Variants in IGLON5 observed in about 807,000 individuals in gnomAD.
IGLON5 encodes Ig-like domain-containing protein ENSP00000270642.
A neutral mutation model predicts 38.2 loss-of-function variants in IGLON5; 16 were observed. The ratio of observed to expected loss-of-function variants is 0.42; its 90% CI spans 0.28 to 0.64. The LOEUF is 0.64. Ranked by LOEUF, IGLON5 falls within the 30% of genes least tolerant of loss-of-function variation. The pLI is 0.23. For missense variants in IGLON5, 366 were observed against 483.4 expected, an observed-to-expected ratio of 0.76 and a Z score of 2.28; for synonymous variants, 207 against 216.4, an observed-to-expected ratio of 0.96 and a Z score of 0.38.
rs774066565 is a variant in IGLON5, at chr19:51,325,391, A to AG, written c.443dup (p.Asn149GlnfsTer36). On this transcript the variant is annotated frameshift_variant, in exon 4 of 8. Coordinates refer to ENST00000270642, the MANE Select transcript of IGLON5 (RefSeq NM_001101372.3). LOFTEE classifies it high-confidence loss of function. The surrounding 1 kb of genome is among the most constrained non-coding windows in gnomAD (Gnocchi z 5.5). ...ATCTCGTCGCCTGTGACGGTGAATG[A>AG]GGGGGGCAATGTGAACCTGCTTTGC... 1 of 1,613,760 alleles carries AG rather than the reference A, an allele frequency of 6.2e-7. No homozygotes were observed. The highest frequency in any genetic ancestry group is 2.2e-5 in the East Asian group (1 of 44,866).
Position 51,321,086 on chromosome 19 carries a change from G to T in IGLON5, c.80-978G>T, listed in dbSNP as rs150828944. On this transcript the variant is annotated intron_variant, in intron 1 of 7. Coordinates refer to ENST00000270642, the MANE Select transcript of IGLON5 (RefSeq NM_001101372.3). Reference sequence around the variant, plus strand: ...AAGTGTTCTGTGTATGCAAGTATCTGTGTGTTGATGTACCTGTGTATATGT... The same window carrying T: ...AAGTGTTCTGTGTATGCAAGTATCTTTGTGTTGATGTACCTGTGTATATGT... Among the ~76,000 whole-genome samples, 115 of 152,288 alleles carry T rather than the reference G, an allele frequency of 7.6e-4. 1 individual carries two copies. In the East Asian group the frequency reaches 0.022, roughly 29 times the overall value.
rs1985164905 is a variant in IGLON5 at position 51,324,510 on chromosome 19, A to G, written c.391+616A>G. Among the ~76,000 whole-genome samples the G allele has an allele frequency of 1.3e-5, 2 of 152,020 alleles. No individual in the cohort carries two copies. Among genetic ancestry groups the G allele is most frequent in the African/African-American group, 4.8e-5 (2 of 41,394 alleles). ...GGAGAGACAGGACCTGGAGACAGAG[A>G]GAATCCAGGGGGATCCTGGCAAGCT... On this transcript the variant is annotated intron_variant, in intron 3 of 7. Transcript: ENST00000270642. The surrounding 1 kb of genome is among the most constrained non-coding windows in gnomAD (Gnocchi z 4.2).
chr19:51,327,680 G>C lies in IGLON5; in HGVS notation c.768-52G>C, dbSNP rs1448985449. The C allele has an allele frequency of 6.5e-7, 1 of 1,538,348 alleles. No individual in the cohort carries two copies. The highest frequency in any genetic ancestry group is 8.7e-7 in the Non-Finnish European group (1 of 1,147,984). Reference sequence around the variant, plus strand: ...GAACGGAGGAGCCTGAGAGTCGGGGGGCTGGCCTGGCTGGGCGCTGCGGCC... The same window carrying C: ...GAACGGAGGAGCCTGAGAGTCGGGGCGCTGGCCTGGCTGGGCGCTGCGGCC... On this transcript the variant is annotated intron_variant, in intron 6 of 7. Coordinates refer to ENST00000270642, the MANE Select transcript of IGLON5 (RefSeq NM_001101372.3). The surrounding 1 kb of genome is among the most constrained non-coding windows in gnomAD (Gnocchi z 7.1).
chr19:51,319,126 G>A (rs1050238791), intron 1 of IGLON5, among the ~76,000 whole-genome samples: 1 of 152,202 alleles, frequency 6.6e-6, no homozygotes, highest in Non-Finnish European at 1.5e-5. Context: ...TGTGTCAGCA[G>A]GAGCATAGCA....
At position 51,327,711 on chromosome 19, in the gene IGLON5, C is replaced by T; in HGVS notation, c.768-21C>T. Reference sequence around the variant, plus strand: ...CCTGGCTGGGCGCTGCGGCCCGGCCCCTGACCCGGATCCCTGGCAGGCTGA... The same window carrying T: ...CCTGGCTGGGCGCTGCGGCCCGGCCTCTGACCCGGATCCCTGGCAGGCTGA... On this transcript the variant is annotated intron_variant, in intron 6 of 7. Transcript: ENST00000270642. The surrounding 1 kb of genome is among the most constrained non-coding windows in gnomAD (Gnocchi z 7.1). 1 of 1,556,330 alleles carries T rather than the reference C, an allele frequency of 6.4e-7. No homozygotes were observed. The highest frequency in any genetic ancestry group is 8.6e-7 in the Non-Finnish European group (1 of 1,156,110).
chr19:51,315,783 C>T (rs1476750679), intron 1 of IGLON5, among the ~76,000 whole-genome samples: 2 of 149,682 alleles, frequency 1.3e-5, no homozygotes, highest in Non-Finnish European at 3.0e-5. Context: ...GCAAGCTCCG[C>T]CTCCTGGGTT....
chr19:51,327,859 G>A lies in IGLON5; in HGVS notation c.895G>A (p.Ala299Thr). Residue 299 changes from alanine to threonine, a missense_variant, in exon 7 of 8, where the codon GCG becomes ACG. By Grantham distance (58) the Ala-to-Thr change is moderately conservative. Coordinates refer to ENST00000270642, the MANE Select transcript of IGLON5 (RefSeq NM_001101372.3). This position sits in a 1 kb window ranked among gnomAD's most constrained non-coding sequence, Gnocchi z 7.1. ...GTGTCGCGCCGCCAACCGACTGGGA[G>A]CGTCCAGCGCCTCCATGCGGCTCCT... ...YTCRAANRLG[A>T]SSASMRLLRP... 1.9e-6 allele frequency: 3 copies of A among 1,539,364 alleles called. No individual in the cohort carries two copies. Among genetic ancestry groups the A allele is most frequent in the Non-Finnish European group, 2.6e-6 (3 of 1,141,432 alleles).
rs771982848 is a variant in IGLON5, at chr19:51,327,865, A to G, written c.901A>G (p.Ser301Gly). The change falls in exon 7 of 8, where the codon AGC becomes GGC. Residue 301 changes from serine to glycine, a missense_variant. Coordinates refer to ENST00000270642, the MANE Select transcript of IGLON5 (RefSeq NM_001101372.3). The surrounding 1 kb of genome is among the most constrained non-coding windows in gnomAD (Gnocchi z 7.1). ...CGCCGCCAACCGACTGGGAGCGTCC[A>G]GCGCCTCCATGCGGCTCCTGCGTGC... ...CRAANRLGAS[S>G]ASMRLLRPGS... The G allele has an allele frequency of 3.3e-6, 5 of 1,524,006 alleles. No homozygotes were observed. The highest frequency in any genetic ancestry group is 2.4e-5 in the South Asian group (2 of 82,598). The allele number at this position is 1,524,006 out of a possible 1,614,324, so 94.4% of individuals were successfully genotyped here.
chr19:51,322,101 C>G lies in IGLON5; in HGVS notation c.117C>G (p.Ala39=), dbSNP rs61732615. 8.1e-5 allele frequency: 131 copies of G among 1,613,356 alleles called. No homozygotes were observed. Among genetic ancestry groups the G allele is most frequent in the Admixed American group, 7.0e-4 (42 of 60,014 alleles). The change falls in exon 2 of 8, where the codon GCC becomes GCG. Residue 39 remains alanine (A), a synonymous_variant. Transcript: ENST00000270642. Reference sequence around the variant, plus strand: ...AGAGCCTGGAGTTCAACTCTCCTGCCGACAACTACACAGTGTGTGAAGGTG... The same window carrying G: ...AGAGCCTGGAGTTCAACTCTCCTGCGGACAACTACACAGTGTGTGAAGGTG... ...LSQSLEFNSP[A]DNYTVCEGDN...
rs1489290519 is a variant in IGLON5, at chr19:51,328,749, G to A, written c.1001G>A (p.Trp334Ter). The A allele has an allele frequency of 6.3e-7, 1 of 1,598,954 alleles. No individual in the cohort carries two copies. Among genetic ancestry groups the A allele is most frequent in the Non-Finnish European group, 8.5e-7 (1 of 1,173,292 alleles). Reference sequence around the variant, plus strand: ...CTCTCCGCCCTGGGCTGGCTGTGGTGGAGAATGTAGGCGCAACCCAGTGGA... The same window carrying A: ...CTCTCCGCCCTGGGCTGGCTGTGGTAGAGAATGTAGGCGCAACCCAGTGGA... Reference protein sequence around the residue: ...ALLSALGWLWWRM With the variant: ...ALLSALGWLW Residue 334 changes from tryptophan to a stop codon, truncating the protein, a stop_gained, in exon 8 of 8, where the codon TGG becomes TAG. Coordinates refer to ENST00000270642, the MANE Select transcript of IGLON5 (RefSeq NM_001101372.3). LOFTEE classifies it high-confidence loss of function.
At chr19:51,318,295 A>C (rs974079277) in intron 1 of IGLON5, among the ~76,000 whole-genome samples, 1 of 152,194 alleles carries the variant, frequency 6.6e-6, no homozygotes, top group African/African-American at 2.4e-5. Context: ...TGCTGGGGAC[A>C]CAGACTTGAG....
At chr19:51,322,003 G>T in intron 1 of IGLON5, 61 bp from the exon 2 acceptor site, 1 of 1,366,726 alleles carries the variant, frequency 7.3e-7, no homozygotes, top group Non-Finnish European at 1.0e-6. Context: ...ATGTGTGCAG[G>T]TGCTACCATG....
At chr19:51,326,672 G>C in intron 4 of IGLON5, 92 bp from the exon 5 acceptor site, 1 of 458,236 alleles carries the variant, frequency 2.2e-6, no homozygotes, top group South Asian at 3.1e-5. Context: ...TGCCGTGCCC[G>C]CCCCGCTGAT....
chr19:51,327,670 A>C lies in IGLON5; in HGVS notation c.768-62A>C, dbSNP rs1985250656. ...GGTCACCGGGGAACGGAGGAGCCTG[A>C]GAGTCGGGGGGCTGGCCTGGCTGGG... On this transcript the variant is annotated intron_variant, in intron 6 of 7. Coordinates refer to ENST00000270642, the MANE Select transcript of IGLON5 (RefSeq NM_001101372.3). This position sits in a 1 kb window ranked among gnomAD's most constrained non-coding sequence, Gnocchi z 7.1. 1 of 1,534,494 alleles carries C rather than the reference A, an allele frequency of 6.5e-7. No individual in the cohort carries two copies. The highest frequency in any genetic ancestry group is 2.0e-5 in the Admixed American group (1 of 50,352).
At chr19:51,326,001 A>G (rs1273188944) in intron 4 of IGLON5, among the ~76,000 whole-genome samples, 2 of 152,068 alleles carry the variant, frequency 1.3e-5, no homozygotes, top group Non-Finnish European at 2.9e-5. Flanking sequence ...ACAAGCCCCA[A>G]GAACCAGTGC....
intron 1 of IGLON5, among the ~76,000 whole-genome samples, chr19:51,320,031 G>GTT (rs747122162): frequency 1.1e-5 from 1 of 91,258 alleles, no homozygotes; most frequent in Admixed American, 1.2e-4. Flanking sequence ...GCCTGTGTGT[G>GTT]TATGTGTGTG....
rs906819603 is a variant in IGLON5 at position 51,330,858 on chromosome 19, A to G, written c.*2099A>G. Among the ~76,000 whole-genome samples, 7 of 152,200 alleles carry G rather than the reference A, an allele frequency of 4.6e-5. No individual in the cohort carries two copies. Among genetic ancestry groups the G allele is most frequent in the Admixed American group, 3.9e-4 (6 of 15,272 alleles). ...TTAACTGATGCCCATTTTCACTTAT[A>G]TAAGCAATAAAGTCCCCTGTATATT... On this transcript the variant is annotated 3_prime_UTR_variant, in exon 8 of 8. Transcript: ENST00000270642.
chr19:51,312,063 C>T, intron 1 of IGLON5, 137 bp downstream of exon 1: 1 of 409,356 alleles, frequency 2.4e-6, no homozygotes, highest in Non-Finnish European at 4.0e-6. Context: ...GGGTCTGGGC[C>T]CGGGGGTGGG....
chr19:51,322,280 G>A (rs551212068), intron 2 of IGLON5, 138 bp downstream of exon 2: 7 of 703,890 alleles, frequency 9.9e-6, no homozygotes, highest in African/African-American at 5.2e-5. Flanking sequence ...CCTCAGTAGC[G>A]ACACAGCTAT....
Sources: allele counts gnomAD v4.1 joint callset (sites outside exome capture counted in the v4.1 genomes callset), GRCh38; gene constraint gnomAD v4.1.1; non-coding constraint Gnocchi (gnomAD v3.1); transcripts MANE v1.5; gene names NCBI Gene and HGNC (gene_info 2026-07-23, HGNC 2026-07-21).